Variants in L3MBTL4 observed in about 807,000 individuals in gnomAD.
L3MBTL4 encodes lethal(3)malignant brain tumor-like protein 4.
L3MBTL4 carries 70 observed loss-of-function variants against 84.5 expected under a neutral mutation model. The observed-to-expected ratio is 0.83, with a 90% CI of 0.68 to 1.01. L3MBTL4 has a LOEUF of 1.01. Ranked by LOEUF, L3MBTL4 falls within the 50% of genes least tolerant of loss-of-function variation. L3MBTL4 has a pLI of 0.00. For synonymous variants in L3MBTL4, 274 were observed against 259.8 expected, an observed-to-expected ratio of 1.05 and a Z score of -0.52; for missense variants, 715 against 754.8, an observed-to-expected ratio of 0.95 and a Z score of 0.62.
intron 16 of L3MBTL4, among the ~76,000 whole-genome samples, chr18:6,045,955 G>A (rs1472077535): frequency 6.6e-6 from 1 of 152,124 alleles, no homozygotes; most frequent in African/African-American, 2.4e-5. Context: ...ATTGGACAAA[G>A]AAACATGATA....
chr18:6,297,807 A>G (rs758858401), intron 4 of L3MBTL4, among the ~76,000 whole-genome samples: 5 of 152,218 alleles, frequency 3.3e-5, no homozygotes, highest in Non-Finnish European at 7.3e-5. Context: ...CATTCAGACC[A>G]GTCCCCTGGG....
intron 10 of L3MBTL4, among the ~76,000 whole-genome samples, chr18:6,220,848 A>G (rs1347342572): frequency 6.6e-6 from 1 of 152,096 alleles, no homozygotes; most frequent in South Asian, 2.1e-4. Flanking sequence ...TCTGAATGAA[A>G]CTCTGATACA....
intron 16 of L3MBTL4, among the ~76,000 whole-genome samples, chr18:6,033,404 C>T (rs632491): frequency 0.35 from 53,124 of 151,916 alleles, 9,538 homozygotes; most frequent in East Asian, 0.51. Flanking sequence ...AGTTGGATCT[C>T]GTTTTTCTTT....
In L3MBTL4 at chr18:6,106,889, A is replaced by T. The variant is rs192115559; in HGVS notation, c.1200-13361T>A. On this transcript the variant is annotated intron_variant, in intron 14 of 18. Transcript: ENST00000317931. ...CTGTATGCACAGCCCTGGACTAGGGATGTGGTGCCCCAAATATGGCAAGGG... is the reference window on the plus strand; with the variant it reads ...CTGTATGCACAGCCCTGGACTAGGGTTGTGGTGCCCCAAATATGGCAAGGG... Among the ~76,000 whole-genome samples, 18 of 152,296 alleles carry T rather than the reference A, an allele frequency of 1.2e-4. No individual in the cohort carries two copies. The East Asian group carries it at 3.5e-3, about 29-fold the overall frequency.
chr18:6,141,667 T>C (rs1025587441), intron 13 of L3MBTL4, among the ~76,000 whole-genome samples: 2 of 152,162 alleles, frequency 1.3e-5, no homozygotes, highest in African/African-American at 4.8e-5. Context: ...ATTTTTCAAA[T>C]ATTTCTTTTA....
intron 14 of L3MBTL4, among the ~76,000 whole-genome samples, chr18:6,134,032 G>A (rs1348234356): frequency 2.6e-5 from 4 of 152,192 alleles, no homozygotes; most frequent in African/African-American, 9.6e-5. Flanking sequence ...GAAGGAAAAA[G>A]AGGTTCAGTT....
Position 6,192,881 on chromosome 18 carries a change from T to C in L3MBTL4, c.981+20268A>G, listed in dbSNP as rs555371051. The stretch of plus-strand genomic sequence containing the variant: ...ACAGAAGAGCTAAAGGTTTATGCAA[T>C]GATCCAATTATATCTATTGTACATG... On this transcript the variant is annotated intron_variant, in intron 12 of 18. Coordinates refer to ENST00000317931, the MANE Select transcript of L3MBTL4 (RefSeq NM_001330559.2). 2.0e-4 allele frequency among the ~76,000 whole-genome samples: 30 copies of C among 152,002 alleles called. No individual in the cohort carries two copies. In the East Asian group the frequency reaches 5.7e-3, roughly 29 times the overall value.
chr18:6,251,475 T>C (rs1039633501), intron 5 of L3MBTL4, among the ~76,000 whole-genome samples: 1 of 152,238 alleles, frequency 6.6e-6, no homozygotes, highest in Non-Finnish European at 1.5e-5. Context: ...AGATACTGTT[T>C]TAAGTACTTA....
chr18:6,402,898 G>T (rs879565914), intron 1 of L3MBTL4, among the ~76,000 whole-genome samples: 1 of 152,102 alleles, frequency 6.6e-6, no homozygotes, highest in East Asian at 1.9e-4. Flanking sequence ...CAAACCCTCT[G>T]TCTTTCATCA....
At chr18:5,959,359 T>A (rs1175250492) in intron 18 of L3MBTL4, among the ~76,000 whole-genome samples, 5 of 152,180 alleles carry the variant, frequency 3.3e-5, no homozygotes, top group African/African-American at 9.7e-5. Context: ...GATCAAAGGA[T>A]AATGGTTGTA....
intron 14 of L3MBTL4, among the ~76,000 whole-genome samples, chr18:6,102,104 T>A (rs2058852524): frequency 6.6e-6 from 1 of 152,230 alleles, no homozygotes; most frequent in East Asian, 1.9e-4. Context: ...TTCTCTACTA[T>A]AACTAAATTT....
chr18:6,016,989 A>G (rs28395214), intron 16 of L3MBTL4, among the ~76,000 whole-genome samples: 72,848 of 151,648 alleles, frequency 0.48, 19,988 homozygotes, highest in Non-Finnish European at 0.65. Flanking sequence ...GAGCAGAGGG[A>G]GTGGTAAATG....
At chr18:6,264,175 TTC>T in intron 4 of L3MBTL4, 137 bp from the exon 5 acceptor site, 1 of 641,550 alleles carries the variant, frequency 1.6e-6, no homozygotes, top group Admixed American at 2.8e-5. Context: ...AAGAAGAGTC[TTC>T]TCTCTCAATT....
intron 1 of L3MBTL4, among the ~76,000 whole-genome samples, chr18:6,363,098 G>A (rs983302698): frequency 6.6e-6 from 1 of 152,202 alleles, no homozygotes; most frequent in Non-Finnish European, 1.5e-5. Flanking sequence ...GAAGTTAAAT[G>A]CTAGACACAG....
At chr18:6,341,958 T>C (rs1180833141) in intron 1 of L3MBTL4, among the ~76,000 whole-genome samples, 6 of 152,176 alleles carry the variant, frequency 3.9e-5, no homozygotes, top group Admixed American at 3.9e-4. Flanking sequence ...AGCAGAAACC[T>C]TGCAGTTCAA....
At chr18:6,285,500 G>A (rs946622910) in intron 4 of L3MBTL4, among the ~76,000 whole-genome samples, 1 of 149,750 alleles carries the variant, frequency 6.7e-6, no homozygotes, top group Non-Finnish European at 1.5e-5. Flanking sequence ...GTGTGTGTGT[G>A]TATAGCAATT....
intron 1 of L3MBTL4, among the ~76,000 whole-genome samples, chr18:6,370,223 G>A: frequency 6.6e-6 from 1 of 152,030 alleles, no homozygotes; most frequent in Non-Finnish European, 1.5e-5. Flanking sequence ...TTTTTATCCG[G>A]TCGGTCTTCC....
chr18:6,004,995 T>TA (rs202208669), intron 16 of L3MBTL4, among the ~76,000 whole-genome samples: 3 of 120,912 alleles, frequency 2.5e-5, no homozygotes, highest in Middle Eastern at 3.7e-3. Context: ...GTTAAGATGA[T>TA]AATTTTTTTT....
At chr18:6,186,173 T>C (rs1216507418) in intron 12 of L3MBTL4, among the ~76,000 whole-genome samples, 1 of 151,810 alleles carries the variant, frequency 6.6e-6, no homozygotes, top group Non-Finnish European at 1.5e-5. Context: ...CCACCATGCC[T>C]GGCTGATTTT....
Sources: gnomAD v4.1 joint callset for allele counts (sites outside exome capture counted in the v4.1 genomes callset) on GRCh38, gnomAD v4.1.1 for gene constraint, MANE v1.5 for transcripts, NCBI Gene and HGNC (gene_info 2026-07-23, HGNC 2026-07-21) for gene names.